RGCC: variants seen among roughly 807,000 people sequenced by gnomAD.
RGCC encodes the protein regulator of cell cycle RGCC.
In RGCC, 15 loss-of-function variants were observed where a neutral mutation model predicts 15.4. That is an observed-to-expected ratio of 0.97 (90% CI 0.65 to 1.50). The LOEUF is 1.50. Ranked by LOEUF, RGCC falls within the 40% of genes most tolerant of loss-of-function variation. The pLI, the probability that RGCC is intolerant of heterozygous loss-of-function variation, is 0.00. For synonymous variants in RGCC, 81 were observed against 78.0 expected, an observed-to-expected ratio of 1.04 and a Z score of -0.20; for missense variants, 176 against 189.7, an observed-to-expected ratio of 0.93 and a Z score of 0.42.
At chr13:41,461,742 G>A (rs1177724603) in intron 2 of RGCC, among the ~76,000 whole-genome samples, 1 of 152,334 alleles carries the variant, frequency 6.6e-6, no homozygotes, top group Non-Finnish European at 1.5e-5. Flanking sequence ...TCTTTGCTTA[G>A]GCTATTCTGG....
In RGCC at chr13:41,463,678, C is replaced by T. The variant is rs971659360; in HGVS notation, c.236-3145C>T. Among the ~76,000 whole-genome samples the T allele has an allele frequency of 2.0e-5, 3 of 152,074 alleles. No individual in the cohort carries two copies. The East Asian group carries it at 5.8e-4, about 29-fold the overall frequency. Reference sequence around the variant, plus strand: ...ATATTTTCTCAGTTTGGGAAAAATTCTCACATCAAGAAGGCATTTAGCCTG... The same window carrying T: ...ATATTTTCTCAGTTTGGGAAAAATTTTCACATCAAGAAGGCATTTAGCCTG... On this transcript the variant is annotated intron_variant, in intron 2 of 4. Transcript: ENST00000379359.
intron 2 of RGCC, among the ~76,000 whole-genome samples, chr13:41,464,472 C>T (rs139948485): frequency 0.011 from 1,617 of 152,114 alleles, 37 homozygotes; most frequent in African/African-American, 0.037. Context: ...GAGGTGGGCT[C>T]GGTTGAGGGA....
rs553840086 is a variant in RGCC, at chr13:41,462,156, A to G, written c.235+3686A>G. On this transcript the variant is annotated intron_variant, in intron 2 of 4. Transcript: ENST00000379359. ...GCTTTCTTTTTCTTGGTTAATTACT[A>G]TAGTTTGCTTGCTTTAAACGTGTGG... 3.3e-5 allele frequency among the ~76,000 whole-genome samples: 5 copies of G among 152,280 alleles called. No homozygotes were observed. The East Asian group carries it at 7.7e-4, about 23-fold the overall frequency.
At chr13:41,462,450 A>G (rs2043826383) in intron 2 of RGCC, among the ~76,000 whole-genome samples, 2 of 152,196 alleles carry the variant, frequency 1.3e-5, no homozygotes, top group Admixed American at 1.3e-4. Flanking sequence ...ACTTCAGTAC[A>G]CTAACTAGAC....
chr13:41,466,201 TCATACA>T (rs1566338424), intron 2 of RGCC, among the ~76,000 whole-genome samples: 9 of 104,294 alleles, frequency 8.6e-5, no homozygotes, highest in African/African-American at 3.0e-4. Flanking sequence ...TCACACACAC[TCATACA>T]CTCACACACT....
At position 41,466,836 on chromosome 13, in the gene RGCC, T is replaced by A; in HGVS notation, c.249T>A (p.Leu83=). 1.2e-6 allele frequency: 2 copies of A among 1,612,894 alleles called. No homozygotes were observed. The highest frequency in any genetic ancestry group is 8.5e-7 in the Non-Finnish European group (1 of 1,178,932). ...GFSDSESADS[L]YRNSFSFSDE... The stretch of plus-strand genomic sequence containing the variant: ...CCTTCCTGAAAGGTGCAGATTCACT[T>A]TATAGGAACAGCTTCAGCTTCAGTG... The change falls in exon 3 of 5, where the codon CTT becomes CTA. Residue 83 remains leucine (L), a synonymous_variant. Transcript: ENST00000379359.
At chr13:41,465,689 A>T (rs983470874) in intron 2 of RGCC, among the ~76,000 whole-genome samples, 1 of 152,100 alleles carries the variant, frequency 6.6e-6, no homozygotes, top group African/African-American at 2.4e-5. Context: ...GGGAGCCATG[A>T]TGTCACTCCA....
In RGCC at chr13:41,470,581, G is replaced by A; in HGVS notation, c.*96G>A. On this transcript the variant is annotated 3_prime_UTR_variant, in exon 5 of 5. Transcript: ENST00000379359. ...GCTACTAGAATCTGCTGCCAGAGGG[G>A]ACAAAGACGTGCACTCAACCTTCTA... 8.0e-7 allele frequency: 1 copy of A among 1,246,786 alleles called. No homozygotes were observed. The highest frequency in any genetic ancestry group is 1.2e-5 in the South Asian group (1 of 83,162). The allele number at this position is 1,246,786 out of a possible 1,614,324, so 77.2% of individuals were successfully genotyped here. A position where few individuals can be genotyped will look rare whatever the true frequency, so the allele number is the denominator to read the frequency against.
chr13:41,470,754 T>C lies in RGCC; in HGVS notation c.*269T>C. ...TTGTATTTTCTCTTAAAACATAGCT[T>C]TCCTGTAATTTAAAGTGCTTTTATG... On this transcript the variant is annotated 3_prime_UTR_variant, in exon 5 of 5. Coordinates refer to ENST00000379359, the MANE Select transcript of RGCC (RefSeq NM_014059.3). The C allele has an allele frequency of 2.8e-6, 1 of 354,598 alleles. No individual in the cohort carries two copies. Among genetic ancestry groups the C allele is most frequent in the Non-Finnish European group, 5.0e-6 (1 of 198,522 alleles). The allele number at this position is 354,598 out of a possible 1,614,324, so 22.0% of individuals were successfully genotyped here.
At chr13:41,466,984 C>T (rs2043852615) in intron 3 of RGCC, 54 bp downstream of exon 3, 6 of 1,082,054 alleles carry the variant, frequency 5.5e-6, no homozygotes, top group Non-Finnish European at 8.6e-6. Flanking sequence ...CTCTCTCCTT[C>T]TCAATCCCTT....
Position 41,457,756 on chromosome 13 carries a change from G to C in RGCC, c.49G>C (p.Ala17Pro). ...CAGCCCCGCGGCCGCCGCGGCCGCA[G>C]GTGAGTGCGGGGTCCGGGGTCCCCT... ...QGSPAAAAAA[A>P]PALDSAAAED... The change falls in exon 1 of 5, where the codon GCC (alanine) becomes CCC (proline). Residue 17 changes from alanine to proline, a missense_variant and splice_region_variant. By Grantham distance (27) the Ala-to-Pro change is conservative. Coordinates refer to ENST00000379359, the MANE Select transcript of RGCC (RefSeq NM_014059.3). This position sits in a 1 kb window ranked among gnomAD's most constrained non-coding sequence, Gnocchi z 4.9. The C allele has an allele frequency of 4.3e-6, 6 of 1,393,738 alleles. No homozygotes were observed. The highest frequency in any genetic ancestry group is 1.7e-5 in the South Asian group (1 of 58,534). 86.3% of individuals were successfully genotyped at this position (1,393,738 alleles called of 1,614,324 possible). A position where few individuals can be genotyped will look rare whatever the true frequency, so the allele number is the denominator to read the frequency against.
At chr13:41,468,062 A>T (rs1210912971) in intron 3 of RGCC, among the ~76,000 whole-genome samples, 1 of 152,208 alleles carries the variant, frequency 6.6e-6, no homozygotes, top group East Asian at 1.9e-4. Flanking sequence ...AAATCTCTAC[A>T]TCTCAGGCTC....
intron 2 of RGCC, among the ~76,000 whole-genome samples, chr13:41,463,941 CT>C (rs1245108327): frequency 6.6e-6 from 1 of 152,184 alleles, no homozygotes; most frequent in Non-Finnish European, 1.5e-5. Context: ...ATTGTGGTGT[CT>C]TTCTCCCCTG....
rs556376191 is a variant in RGCC, at chr13:41,462,719, C to A, written c.236-4104C>A. Among the ~76,000 whole-genome samples the A allele has an allele frequency of 9.2e-5, 14 of 152,310 alleles. No individual in the cohort carries two copies. The South Asian group carries it at 2.9e-3, about 32-fold the overall frequency. On this transcript the variant is annotated intron_variant, in intron 2 of 4. Transcript: ENST00000379359. Reference sequence around the variant, plus strand: ...TCAGACTAACTGGCTATTACTTTTGCAAGGAATAGAGTTCCAGGGGAGGGA... The same window carrying A: ...TCAGACTAACTGGCTATTACTTTTGAAAGGAATAGAGTTCCAGGGGAGGGA...
chr13:41,464,219 G>A (rs1437215757), intron 2 of RGCC: 1 of 152,374 alleles, frequency 6.6e-6, no homozygotes, highest in Non-Finnish European at 1.5e-5. Flanking sequence ...CAAGGGCCTG[G>A]TATTTTCTGG....
intron 4 of RGCC, 62 bp downstream of exon 4, chr13:41,468,900 GTGT>G (rs2043860876): frequency 4.0e-6 from 5 of 1,241,526 alleles, no homozygotes; most frequent in Non-Finnish European, 5.8e-6. Flanking sequence ...TTCTGATAAA[GTGT>G]TGTAATGTTA....
chr13:41,459,962 A>C lies in RGCC; in HGVS notation c.235+1492A>C, dbSNP rs114418103. 4.4e-3 allele frequency among the ~76,000 whole-genome samples: 671 copies of C among 152,336 alleles called. 3 individuals are homozygous for C. Among genetic ancestry groups the C allele is most frequent in the African/African-American group, 0.015 (622 of 41,568 alleles). Reference sequence around the variant, plus strand: ...GTCTGAGCGCGCCCATTCATGGCTGATTGCAACTTCCACTGGGTGGGATTT... The same window carrying C: ...GTCTGAGCGCGCCCATTCATGGCTGCTTGCAACTTCCACTGGGTGGGATTT... On this transcript the variant is annotated intron_variant, in intron 2 of 4. Coordinates refer to ENST00000379359, the MANE Select transcript of RGCC (RefSeq NM_014059.3).
intron 2 of RGCC, among the ~76,000 whole-genome samples, chr13:41,462,270 C>T (rs1343885766): frequency 1.3e-5 from 2 of 152,196 alleles, no homozygotes; most frequent in East Asian, 1.9e-4. Context: ...ATGCGCTAAC[C>T]CTAAATTACC....
At chr13:41,467,216 C>T (rs1340218090) in intron 3 of RGCC, among the ~76,000 whole-genome samples, 1 of 152,214 alleles carries the variant, frequency 6.6e-6, no homozygotes, top group Non-Finnish European at 1.5e-5. Flanking sequence ...GTAATCAAGA[C>T]TGTGCAAATG....
Sources: gnomAD v4.1 joint callset for allele counts (sites outside exome capture counted in the v4.1 genomes callset) on GRCh38, gnomAD v4.1.1 for gene constraint, Gnocchi (gnomAD v3.1) non-coding constraint, MANE v1.5 for transcripts, NCBI Gene and HGNC (gene_info 2026-07-23, HGNC 2026-07-21) for gene names.